SPOCK1: variants seen among roughly 807,000 people sequenced by gnomAD.
SPOCK1 encodes the protein SPARC (osteonectin), cwcv and kazal like domains proteoglycan 1.
A neutral mutation model predicts 55.3 loss-of-function variants in SPOCK1; 23 were observed. The ratio of observed to expected loss-of-function variants is 0.42; its 90% CI spans 0.30 to 0.59. The LOEUF (loss-of-function observed/expected upper bound fraction) is 0.59, where lower values mean the gene tolerates loss of function less well. Ranked by LOEUF, SPOCK1 falls within the 20% of genes least tolerant of loss-of-function variation. SPOCK1 has a pLI of 0.22. For missense variants in SPOCK1, 499 were observed against 552.5 expected (o/e 0.90, Z 0.97); for synonymous variants, 226 against 221.0 (o/e 1.02, Z -0.20).
intron 6 of SPOCK1, among the ~76,000 whole-genome samples, chr5:137,032,644 G>A (rs566595882): frequency 1.3e-4 from 20 of 152,240 alleles, no homozygotes; most frequent in Non-Finnish European, 2.6e-4. Context: ...AATCAGCTAA[G>A]GCAAAAGGAG....
chr5:137,206,780 G>T (rs1417270651), intron 3 of SPOCK1, among the ~76,000 whole-genome samples: 2 of 152,124 alleles, frequency 1.3e-5, no homozygotes, highest in African/African-American at 4.8e-5. Context: ...TATGTTCCAG[G>T]CAACATCTTA....
intron 3 of SPOCK1, among the ~76,000 whole-genome samples, chr5:137,163,513 A>G (rs1754596340): frequency 6.6e-6 from 1 of 152,246 alleles, no homozygotes; most frequent in African/African-American, 2.4e-5. Flanking sequence ...AAAGAAGAGT[A>G]ATAATAACAT....
At position 137,207,795 on chromosome 5, in the gene SPOCK1, C is replaced by T. The variant is rs143349962; in HGVS notation, c.232+59215G>A. ...GCCCCGAGCCTGCTCTGCTCATGCT[C>T]CACAAATGCTACTTGTGGTTCCTGT... On this transcript the variant is annotated intron_variant, in intron 3 of 10. Coordinates refer to ENST00000394945, the MANE Select transcript of SPOCK1 (RefSeq NM_004598.4). Among the ~76,000 whole-genome samples, 4 of 152,276 alleles carry T rather than the reference C, an allele frequency of 2.6e-5. No homozygotes were observed. The East Asian group carries it at 7.7e-4, about 29-fold the overall frequency.
intron 6 of SPOCK1, among the ~76,000 whole-genome samples, chr5:137,059,678 G>C (rs1752360601): frequency 6.6e-6 from 1 of 152,134 alleles, no homozygotes; most frequent in African/African-American, 2.4e-5. Context: ...ACAACCCACA[G>C]AATGGGAGAA....
intron 3 of SPOCK1, among the ~76,000 whole-genome samples, chr5:137,142,215 C>A (rs1022941178): frequency 4.6e-5 from 7 of 152,200 alleles, no homozygotes; most frequent in African/African-American, 1.7e-4. Context: ...GGTCAAAAAA[C>A]CAAACCAAAA....
At chr5:137,020,904 G>A (rs2126979912) in intron 6 of SPOCK1, among the ~76,000 whole-genome samples, 1 of 152,232 alleles carries the variant, frequency 6.6e-6, no homozygotes, top group South Asian at 2.1e-4. Flanking sequence ...TAGAAAAGAA[G>A]TGTTGGTGAG....
intron 2 of SPOCK1, among the ~76,000 whole-genome samples, chr5:137,289,709 C>CA (rs1407628614): frequency 1.3e-5 from 2 of 151,820 alleles, no homozygotes; most frequent in Non-Finnish European, 2.9e-5. Flanking sequence ...TCTCCCACCT[C>CA]AAAAAAACAC....
chr5:137,038,133 G>C (rs541324586), intron 6 of SPOCK1, among the ~76,000 whole-genome samples: 7 of 152,308 alleles, frequency 4.6e-5, no homozygotes, highest in Non-Finnish European at 1.0e-4. Context: ...GCCACTGAAT[G>C]ATTCCTCTCC....
intron 5 of SPOCK1, among the ~76,000 whole-genome samples, chr5:137,082,588 A>G (rs971270011): frequency 1.6e-4 from 25 of 152,202 alleles, no homozygotes; most frequent in African/African-American, 6.0e-4. Flanking sequence ...ATGCATAACA[A>G]GCATCCAGGT....
intron 2 of SPOCK1, among the ~76,000 whole-genome samples, chr5:137,390,098 A>G (rs577990516): frequency 1.3e-5 from 2 of 152,272 alleles, no homozygotes; most frequent in African/African-American, 4.8e-5. Flanking sequence ...TCCCTACTAA[A>G]GGAAATCCTG....
intron 2 of SPOCK1, among the ~76,000 whole-genome samples, chr5:137,383,265 A>C (rs1751515895): frequency 6.6e-6 from 1 of 152,196 alleles, no homozygotes; most frequent in Non-Finnish European, 1.5e-5. Context: ...AAGTCTTAGC[A>C]TACTGCCTGG....
chr5:137,219,537 G>A (rs1288589000), intron 3 of SPOCK1, among the ~76,000 whole-genome samples: 1 of 152,200 alleles, frequency 6.6e-6, no homozygotes, highest in East Asian at 1.9e-4. Flanking sequence ...CAGCAATTAA[G>A]AATCATGCCT....
intron 4 of SPOCK1, among the ~76,000 whole-genome samples, chr5:137,128,316 C>T (rs1753814032): frequency 6.6e-6 from 1 of 152,166 alleles, no homozygotes; most frequent in Admixed American, 6.5e-5. Context: ...CTTATAGCAA[C>T]CCAAATGGAC....
At chr5:137,023,960 A>AT (rs34202986) in intron 6 of SPOCK1, among the ~76,000 whole-genome samples, 10,739 of 129,792 alleles carry the variant, frequency 0.083, 637 homozygotes, top group East Asian at 0.22. Context: ...TCAATATAGT[A>AT]TTTTTTTTTT....
chr5:137,271,035 T>TTA (rs1756952104), intron 2 of SPOCK1, among the ~76,000 whole-genome samples: 1 of 126,564 alleles, frequency 7.9e-6, no homozygotes, highest in African/African-American at 3.1e-5. Context: ...TAATTAATTT[T>TTA]TAAAAAGTCA....
intron 3 of SPOCK1, among the ~76,000 whole-genome samples, chr5:137,238,707 A>G (rs1209915047): frequency 6.6e-6 from 1 of 152,238 alleles, no homozygotes; most frequent in African/African-American, 2.4e-5. Flanking sequence ...TCTTGGTAAC[A>G]ACAAAAATAC....
At chr5:137,375,777 G>T (rs1441841047) in intron 2 of SPOCK1, among the ~76,000 whole-genome samples, 1 of 152,130 alleles carries the variant, frequency 6.6e-6, no homozygotes, top group Non-Finnish European at 1.5e-5. Flanking sequence ...AAACACTTGA[G>T]CAACAGAACC....
chr5:137,335,597 T>C (rs948870051), intron 2 of SPOCK1, among the ~76,000 whole-genome samples: 3 of 152,244 alleles, frequency 2.0e-5, no homozygotes, highest in Admixed American at 6.5e-5. Context: ...GCCTCTGCAA[T>C]TGAGCAGACA....
chr5:137,368,222 G>A (rs1751118961), intron 2 of SPOCK1, among the ~76,000 whole-genome samples: 1 of 152,160 alleles, frequency 6.6e-6, no homozygotes, highest in African/African-American at 2.4e-5. Context: ...TTGTTTCCAG[G>A]CATGAACATA....
Sources: allele counts gnomAD v4.1 joint callset (sites outside exome capture counted in the v4.1 genomes callset), GRCh38; gene constraint gnomAD v4.1.1; transcripts MANE v1.5; gene names NCBI Gene and HGNC (gene_info 2026-07-23, HGNC 2026-07-21).